The following ZNF804B variants were observed in gnomAD, a reference collection of about 807,000 sequenced individuals.
ZNF804B encodes zinc finger 804B.
ZNF804B carries 80 observed loss-of-function variants against 101.4 expected under a neutral mutation model. The ratio of observed to expected loss-of-function variants is 0.79; its 90% CI spans 0.66 to 0.95. The LOEUF is 0.95. Ranked by LOEUF, ZNF804B falls within the 40% of genes least tolerant of loss-of-function variation. ZNF804B has a pLI of 0.00. For synonymous variants in ZNF804B, 622 were observed against 558.8 expected (o/e 1.11, Z -1.59); for missense variants, 1,673 against 1,561.9 (o/e 1.07, Z -1.20).
chr7:89,171,306 TC>T (rs1791224718), intron 1 of ZNF804B, among the ~76,000 whole-genome samples: 2 of 109,864 alleles, frequency 1.8e-5, no homozygotes, highest in African/African-American at 6.9e-5. Context: ...TTCTTCTTCT[TC>T]TTCTTCTTCT....
At chr7:89,068,356 T>G (rs1273651590) in intron 1 of ZNF804B, among the ~76,000 whole-genome samples, 1 of 152,014 alleles carries the variant, frequency 6.6e-6, no homozygotes, top group Non-Finnish European at 1.5e-5. Flanking sequence ...TTAAGATGTT[T>G]TATTATATGA....
At chr7:88,786,079 G>A (rs531019358) in intron 1 of ZNF804B, among the ~76,000 whole-genome samples, 4 of 152,210 alleles carry the variant, frequency 2.6e-5, no homozygotes, top group African/African-American at 9.6e-5. Flanking sequence ...CTGATGCTTG[G>A]CAAAGTGCCT....
intron 1 of ZNF804B, among the ~76,000 whole-genome samples, chr7:88,763,755 A>C (rs1246015337): frequency 6.8e-5 from 8 of 116,976 alleles, no homozygotes; most frequent in Non-Finnish European, 1.3e-4. Flanking sequence ...TTATAGACAG[A>C]AAAATAGATA....
At chr7:89,062,279 AC>A (rs1341494033) in intron 1 of ZNF804B, among the ~76,000 whole-genome samples, 3 of 151,956 alleles carry the variant, frequency 2.0e-5, no homozygotes, top group Non-Finnish European at 4.4e-5. Flanking sequence ...ACTCATAGTC[AC>A]CCCTGTAATT....
intron 1 of ZNF804B, among the ~76,000 whole-genome samples, chr7:88,821,958 A>C (rs1302083699): frequency 6.6e-6 from 1 of 152,160 alleles, no homozygotes; most frequent in East Asian, 1.9e-4. Context: ...GAACCATTCT[A>C]TTCTGTTATT....
chr7:88,935,052 C>T (rs1057024136), intron 1 of ZNF804B, among the ~76,000 whole-genome samples: 1 of 149,940 alleles, frequency 6.7e-6, no homozygotes, highest in African/African-American at 2.4e-5. Flanking sequence ...TATATATATA[C>T]ACACACACAT....
chr7:88,797,389 T>G (rs779843079), intron 1 of ZNF804B, among the ~76,000 whole-genome samples: 1 of 152,138 alleles, frequency 6.6e-6, no homozygotes, highest in Non-Finnish European at 1.5e-5. Context: ...CTTTGATACA[T>G]CTACTTTATA....
intron 1 of ZNF804B, among the ~76,000 whole-genome samples, chr7:88,784,282 T>C (rs1039653083): frequency 6.6e-6 from 1 of 152,180 alleles, no homozygotes; most frequent in Non-Finnish European, 1.5e-5. Flanking sequence ...CATTAGAGCT[T>C]GCACATATTC....
At chr7:89,052,791 T>A (rs1389737063) in intron 1 of ZNF804B, among the ~76,000 whole-genome samples, 2 of 152,164 alleles carry the variant, frequency 1.3e-5, no homozygotes, top group African/African-American at 4.8e-5. Context: ...GGAATAATGA[T>A]ATTCAGATTT....
intron 1 of ZNF804B, among the ~76,000 whole-genome samples, chr7:88,937,120 A>C (rs1357742235): frequency 6.7e-6 from 1 of 149,678 alleles, no homozygotes; most frequent in African/African-American, 2.5e-5. Context: ...AATAGCAAAA[A>C]AAAAAAAAAA....
chr7:89,100,002 G>A (rs1169690765), intron 1 of ZNF804B, among the ~76,000 whole-genome samples: 1 of 152,144 alleles, frequency 6.6e-6, no homozygotes, highest in Non-Finnish European at 1.5e-5. Flanking sequence ...TAGAACCTAG[G>A]TAGAGGTTAA....
chr7:88,955,679 A>G (rs1424587339), intron 1 of ZNF804B, among the ~76,000 whole-genome samples: 2 of 151,718 alleles, frequency 1.3e-5, no homozygotes, highest in South Asian at 2.1e-4. Flanking sequence ...AGTCCAGGAC[A>G]TTGGTCTAGG....
intron 1 of ZNF804B, among the ~76,000 whole-genome samples, chr7:88,768,371 T>C (rs1318192498): frequency 6.6e-6 from 1 of 152,230 alleles, no homozygotes; most frequent in East Asian, 1.9e-4. Context: ...ATATTGAAAT[T>C]AGTGAAATTT....
chr7:89,337,979 T>C lies in ZNF804B; in HGVS notation c.*947T>C, dbSNP rs185754273. ...TGTTTATTGAGGATATCTTATTAAA[T>C]ATCTGGTGTGTTTTATTCAATTGTA... On this transcript the variant is annotated 3_prime_UTR_variant, in exon 4 of 4. Transcript: ENST00000333190. 6.6e-6 allele frequency among the ~76,000 whole-genome samples: 1 copy of C among 152,190 alleles called. No homozygotes were observed. The highest frequency in any genetic ancestry group is 2.4e-5 in the African/African-American group (1 of 41,566).
At chr7:89,298,985 A>G (rs907345101) in intron 2 of ZNF804B, among the ~76,000 whole-genome samples, 1 of 152,010 alleles carries the variant, frequency 6.6e-6, no homozygotes, top group East Asian at 1.9e-4. Context: ...TTTGGACTTA[A>G]CTTGGAGACC....
chr7:89,103,048 G>GTTTTTTTTTTTTTTT lies in ZNF804B; in HGVS notation c.109-115086_109-115072dup, dbSNP rs56693128. On this transcript the variant is annotated intron_variant, in intron 1 of 3. Coordinates refer to ENST00000333190, the MANE Select transcript of ZNF804B (RefSeq NM_181646.5). ...TTCTATTCCATTGACCTATGTGTCT[G>GTTTTTTTTTTTTTTT]TTTTTTTTTTTTTTTTTTTTTTTTT... 3.3e-4 allele frequency among the ~76,000 whole-genome samples: 11 copies of GTTTTTTTTTTTTTTT among 33,750 alleles called. 3 individuals carry two copies. Among genetic ancestry groups the GTTTTTTTTTTTTTTT allele is most frequent in the East Asian group, 1.5e-3 (1 of 660 alleles). 22.1% of individuals were successfully genotyped at this position (33,750 alleles called of 152,430 possible). A position where few individuals can be genotyped will look rare whatever the true frequency, so the allele number is the denominator to read the frequency against.
At chr7:89,101,052 C>A (rs1396551037) in intron 1 of ZNF804B, among the ~76,000 whole-genome samples, 2 of 151,996 alleles carry the variant, frequency 1.3e-5, no homozygotes, top group South Asian at 2.1e-4. Context: ...CTATTGTCAT[C>A]ATTTTTCTTC....
At chr7:89,047,844 A>C (rs561824076) in intron 1 of ZNF804B, among the ~76,000 whole-genome samples, 39 of 152,086 alleles carry the variant, frequency 2.6e-4, no homozygotes, top group Non-Finnish European at 5.1e-4. Flanking sequence ...CTCTTAGGCA[A>C]AAAAGGAAGG....
intron 1 of ZNF804B, among the ~76,000 whole-genome samples, chr7:89,194,735 G>A (rs1211040615): frequency 6.6e-6 from 1 of 150,500 alleles, no homozygotes; most frequent in Non-Finnish European, 1.5e-5. Context: ...ATAGTTTGAA[G>A]TCAGGTAGTG....
Sources: allele counts gnomAD v4.1 joint callset (sites outside exome capture counted in the v4.1 genomes callset), GRCh38; gene constraint gnomAD v4.1.1; transcripts MANE v1.5; gene names NCBI Gene and HGNC (gene_info 2026-07-23, HGNC 2026-07-21).